GRIP1: variants seen among roughly 807,000 people sequenced by gnomAD.
The protein encoded by GRIP1 is glutamate receptor-interacting protein 1.
A neutral mutation model predicts 129.9 loss-of-function variants in GRIP1; 45 were observed. The ratio of observed to expected loss-of-function variants is 0.35; its 90% confidence interval spans 0.27 to 0.44. The LOEUF (loss-of-function observed/expected upper bound fraction) is 0.44, where lower values mean the gene tolerates loss of function less well. Ranked by LOEUF, GRIP1 falls within the 20% of genes least tolerant of loss-of-function variation. The pLI is 1.00. For missense variants in GRIP1, 1,196 were observed against 1,396.8 expected, an observed-to-expected ratio of 0.86 and a Z score of 2.29; for synonymous variants, 530 against 520.8, an observed-to-expected ratio of 1.02 and a Z score of -0.24.
chr12:66,416,072 A>C (rs1032195776), intron 15 of GRIP1, among the ~76,000 whole-genome samples: 2 of 152,134 alleles, frequency 1.3e-5, no homozygotes, highest in Non-Finnish European at 2.9e-5. Flanking sequence ...CTGGAACTTA[A>C]AATAAAATTT....
chr12:66,837,645 G>A (rs1296539488), intron 1 of GRIP1, among the ~76,000 whole-genome samples: 1 of 152,154 alleles, frequency 6.6e-6, no homozygotes, highest in African/African-American at 2.4e-5. Context: ...AGAAAAATAA[G>A]ACAAATCTAT....
intron 2 of GRIP1, among the ~76,000 whole-genome samples, chr12:66,570,649 G>A (rs988476167): frequency 2.0e-5 from 3 of 152,118 alleles, no homozygotes; most frequent in African/African-American, 4.8e-5. Flanking sequence ...ACTGAGTCTC[G>A]AATTTCTGGG....
At chr12:66,759,999 C>T (rs2037421775) in intron 1 of GRIP1, among the ~76,000 whole-genome samples, 1 of 152,054 alleles carries the variant, frequency 6.6e-6, no homozygotes, top group Admixed American at 6.6e-5. Flanking sequence ...GGACTAAAGG[C>T]ACCCACCACC....
At chr12:66,808,774 T>C (rs1193113760), upstream of GRIP1, among the ~76,000 whole-genome samples, 3 of 152,174 alleles carry the variant, frequency 2.0e-5, no homozygotes, top group Admixed American at 1.3e-4. Context: ...TAAATAAACA[T>C]GTGCTTTCCA....
At chr12:67,057,214 G>A (rs919700460) in intron 1 of GRIP1, among the ~76,000 whole-genome samples, 32 of 151,994 alleles carry the variant, frequency 2.1e-4, no homozygotes, top group African/African-American at 7.0e-4. Flanking sequence ...AAGTAATGAG[G>A]GCTAAATGAA....
chr12:66,827,887 C>T (rs2039447564), intron 1 of GRIP1, among the ~76,000 whole-genome samples: 1 of 152,132 alleles, frequency 6.6e-6, no homozygotes, highest in Admixed American at 6.5e-5. Context: ...CTTATAGGGC[C>T]ACTACCGAAT....
rs146890147 is a variant in GRIP1 at position 66,940,526 on chromosome 12, C to A, written c.58+128524G>T. On this transcript the variant is annotated intron_variant, in intron 1 of 1. Transcript: ENST00000643019. ...TATTCTCCTAAAGGTGGCAGTGCATCAGTAAAGGCAGCCAATCATATACTA... is the reference window on the plus strand; with the variant it reads ...TATTCTCCTAAAGGTGGCAGTGCATAAGTAAAGGCAGCCAATCATATACTA... Among the ~76,000 whole-genome samples the A allele has an allele frequency of 2.9e-3, 446 of 152,186 alleles. 1 individual carries two copies. Among genetic ancestry groups the A allele is most frequent in the African/African-American group, 0.01 (419 of 41,522 alleles).
chr12:66,447,228 G>C (rs1030814617), intron 11 of GRIP1, among the ~76,000 whole-genome samples: 1 of 151,856 alleles, frequency 6.6e-6, no homozygotes, highest in Admixed American at 6.6e-5. Flanking sequence ...TTTTAATAAT[G>C]CATCTCCTAG....
intron 14 of GRIP1, among the ~76,000 whole-genome samples, chr12:66,429,139 C>T (rs1400189920): frequency 4.6e-5 from 7 of 152,208 alleles, no homozygotes. Context: ...TAAAATCAGA[C>T]AGACTCATTT....
At chr12:66,659,934 G>A (rs538774994) in intron 1 of GRIP1, among the ~76,000 whole-genome samples, 1 of 152,118 alleles carries the variant, frequency 6.6e-6, no homozygotes, top group South Asian at 2.1e-4. Flanking sequence ...TTAACACACA[G>A]GTTCAACACA....
At chr12:66,850,092 A>G (rs905878842) in intron 1 of GRIP1, among the ~76,000 whole-genome samples, 1 of 152,188 alleles carries the variant, frequency 6.6e-6, no homozygotes, top group Non-Finnish European at 1.5e-5. Context: ...ACATATAGCT[A>G]AACAGAACGG....
At chr12:66,975,711 C>T (rs1002387380) in intron 1 of GRIP1, among the ~76,000 whole-genome samples, 1 of 151,928 alleles carries the variant, frequency 6.6e-6, no homozygotes, top group African/African-American at 2.4e-5. Context: ...ATACAGAGAC[C>T]AGTTAGGAGA....
At chr12:66,462,473 A>G (rs756891431) in intron 9 of GRIP1, among the ~76,000 whole-genome samples, 63 of 152,324 alleles carry the variant, frequency 4.1e-4, no homozygotes, top group South Asian at 2.1e-3. Context: ...AGAAAAAAAT[A>G]TCAAATAGCA....
intron 1 of GRIP1, among the ~76,000 whole-genome samples, chr12:66,801,839 G>C (rs1054146461): frequency 4.6e-5 from 7 of 152,124 alleles, no homozygotes; most frequent in Non-Finnish European, 5.9e-5. Flanking sequence ...AACATCATCA[G>C]TAAATTCCAC....
At chr12:66,926,463 T>C (rs957900817) in intron 1 of GRIP1, among the ~76,000 whole-genome samples, 3 of 152,210 alleles carry the variant, frequency 2.0e-5, no homozygotes, top group African/African-American at 7.2e-5. Flanking sequence ...GCAGTGAAGC[T>C]GAGAAACCTG....
intron 7 of GRIP1, among the ~76,000 whole-genome samples, chr12:66,484,012 A>G (rs2059883999): frequency 1.3e-5 from 2 of 151,714 alleles, no homozygotes; most frequent in Admixed American, 6.6e-5. Flanking sequence ...GGCGCCCGCC[A>G]CTACGCCCGG....
At chr12:66,561,612 A>G (rs1412532184) in intron 2 of GRIP1, among the ~76,000 whole-genome samples, 1 of 152,260 alleles carries the variant, frequency 6.6e-6, no homozygotes, top group East Asian at 1.9e-4. Context: ...ATATTTGCAA[A>G]TGGTTCATTA....
intron 1 of GRIP1, among the ~76,000 whole-genome samples, chr12:66,782,721 A>G (rs918340195): frequency 1.3e-5 from 2 of 152,176 alleles, no homozygotes; most frequent in Non-Finnish European, 2.9e-5. Flanking sequence ...TTGACTCATG[A>G]AAGATTTTTC....
intron 19 of GRIP1, among the ~76,000 whole-genome samples, chr12:66,391,680 C>T (rs1055521771): frequency 1.3e-5 from 2 of 152,018 alleles, no homozygotes; most frequent in South Asian, 2.1e-4. Flanking sequence ...GACAAGACCC[C>T]GTATCTACAA....
Sources: gnomAD v4.1 joint callset for allele counts (sites outside exome capture counted in the v4.1 genomes callset) on GRCh38, gnomAD v4.1.1 for gene constraint, MANE v1.5 for transcripts, NCBI Gene and HGNC (gene_info 2026-07-23, HGNC 2026-07-21) for gene names.